OLFM3: variants seen among roughly 807,000 people sequenced by gnomAD.
The protein encoded by OLFM3 is noelin-3.
In OLFM3, 20 loss-of-function variants were observed where a neutral mutation model predicts 48.6. That is an observed-to-expected ratio of 0.41 (90% CI 0.29 to 0.60). The LOEUF (loss-of-function observed/expected upper bound fraction) is 0.60, where lower values mean the gene tolerates loss of function less well. Ranked by LOEUF, OLFM3 falls within the 20% of genes least tolerant of loss-of-function variation. The pLI is 0.28. For synonymous variants in OLFM3, 222 were observed against 198.1 expected, an observed-to-expected ratio of 1.12 and a Z score of -1.01; for missense variants, 437 against 544.3, an observed-to-expected ratio of 0.80 and a Z score of 1.96.
intron 1 of OLFM3, among the ~76,000 whole-genome samples, chr1:101,941,676 A>G (rs1570650765): frequency 6.6e-6 from 1 of 152,204 alleles, no homozygotes; most frequent in Non-Finnish European, 1.5e-5. Context: ...ATGACATTTC[A>G]GAAATTATAA....
At chr1:101,920,663 A>G (rs1043092375) in intron 1 of OLFM3, among the ~76,000 whole-genome samples, 3 of 152,180 alleles carry the variant, frequency 2.0e-5, no homozygotes, top group Admixed American at 6.5e-5. Flanking sequence ...GTATTTTTCA[A>G]ATTAAGGATT....
In OLFM3 at chr1:101,920,838, TC is replaced by T. The variant is rs544142687; in HGVS notation, c.69+75909del. ...CTGCTGCTAACAGCAACCAGGCAGGTCCTGCTTTTCGTTTGTTTGTTTTATA... is the reference window on the plus strand; with the variant it reads ...CTGCTGCTAACAGCAACCAGGCAGGTCTGCTTTTCGTTTGTTTGTTTTATA... On this transcript the variant is annotated intron_variant, in intron 1 of 5. Coordinates refer to ENST00000370103, the MANE Select transcript of OLFM3 (RefSeq NM_058170.4). Among the ~76,000 whole-genome samples, 51 of 152,344 alleles carry T rather than the reference TC, an allele frequency of 3.3e-4. 1 individual carries two copies. In the South Asian group the frequency reaches 0.011, roughly 32 times the overall value.
At chr1:101,953,920 G>C (rs1467808011) in intron 1 of OLFM3, among the ~76,000 whole-genome samples, 1 of 152,086 alleles carries the variant, frequency 6.6e-6, no homozygotes, top group Non-Finnish European at 1.5e-5. Flanking sequence ...GGTTATGAGG[G>C]AGAGTCTTTA....
At chr1:101,923,072 T>C (rs1273643489) in intron 1 of OLFM3, among the ~76,000 whole-genome samples, 2 of 152,202 alleles carry the variant, frequency 1.3e-5, no homozygotes, top group Non-Finnish European at 2.9e-5. Flanking sequence ...CAGGGCCCTA[T>C]GGCTTAACCA....
chr1:101,969,093 G>A (rs1660703477), intron 1 of OLFM3, among the ~76,000 whole-genome samples: 1 of 152,114 alleles, frequency 6.6e-6, no homozygotes, highest in Non-Finnish European at 1.5e-5. Flanking sequence ...AGGGCTATTT[G>A]TCTTATTATT....
intron 1 of OLFM3, among the ~76,000 whole-genome samples, chr1:101,888,334 G>A (rs1332524052): frequency 6.6e-6 from 1 of 152,092 alleles, no homozygotes; most frequent in East Asian, 1.9e-4. Context: ...AGAGCCCTCA[G>A]AAATAACATC....
intron 1 of OLFM3, among the ~76,000 whole-genome samples, chr1:101,917,032 A>C (rs1275444841): frequency 6.6e-6 from 1 of 152,330 alleles, no homozygotes; most frequent in African/African-American, 2.4e-5. Flanking sequence ...GCAGTACAAC[A>C]GATTTACATT....
intron 4 of OLFM3, 110 bp from the exon 5 acceptor site, chr1:101,806,292 A>G (rs368618644): frequency 2.7e-6 from 2 of 743,562 alleles, no homozygotes; most frequent in African/African-American, 1.8e-5. Flanking sequence ...CAATCCATGG[A>G]ATTAATATCA....
At chr1:101,820,149 A>T (rs1654539539) in intron 4 of OLFM3, among the ~76,000 whole-genome samples, 1 of 152,104 alleles carries the variant, frequency 6.6e-6, no homozygotes, top group African/African-American at 2.4e-5. Context: ...CTTGTTTAAA[A>T]ACTAATTTGG....
Position 101,816,732 on chromosome 1 carries a change from T to C in OLFM3, c.592+8294A>G, listed in dbSNP as rs145222122. ...TTTAACTAAGGGAACATTGAATAGA[T>C]AGTGGATCAATAGCATGTATATGCT... On this transcript the variant is annotated intron_variant, in intron 4 of 5. Transcript: ENST00000370103. Among the ~76,000 whole-genome samples the C allele has an allele frequency of 3.3e-5, 5 of 152,272 alleles. 1 individual carries two copies. The highest frequency in any genetic ancestry group is 2.0e-4 in the Admixed American group (3 of 15,276).
chr1:101,831,505 A>G (rs929112104), intron 2 of OLFM3, among the ~76,000 whole-genome samples: 1 of 152,202 alleles, frequency 6.6e-6, no homozygotes, highest in Non-Finnish European at 1.5e-5. Flanking sequence ...AGTAAAAAAG[A>G]GGTAACCTAT....
rs1653646460 is a variant in OLFM3 at position 101,804,216 on chromosome 1, A to C, written c.*22T>G. On this transcript the variant is annotated 3_prime_UTR_variant, in exon 6 of 6. Transcript: ENST00000370103. The surrounding 1 kb of genome is among the most constrained non-coding windows in gnomAD (Gnocchi z 4.5). The stretch of plus-strand genomic sequence containing the variant: ...TATCACAAATCACACTGTTTAAATC[A>C]ATGAAAACATGTCACATTTGCCTAT... 1 of 1,533,240 alleles carries C rather than the reference A, an allele frequency of 6.5e-7. No individual in the cohort carries two copies. Among genetic ancestry groups the C allele is most frequent in the Non-Finnish European group, 8.8e-7 (1 of 1,137,660 alleles). 95.0% of individuals were successfully genotyped at this position (1,533,240 alleles called of 1,614,324 possible).
At chr1:101,951,823 A>G (rs2101072262) in intron 1 of OLFM3, among the ~76,000 whole-genome samples, 1 of 152,268 alleles carries the variant, frequency 6.6e-6, no homozygotes, top group African/African-American at 2.4e-5. Flanking sequence ...TTCAAACTCA[A>G]CTTTCTTTGT....
intron 1 of OLFM3, among the ~76,000 whole-genome samples, chr1:101,991,016 A>ATATAT (rs1314208685): frequency 5.0e-4 from 16 of 32,218 alleles, no homozygotes; most frequent in Non-Finnish European, 6.7e-4. Flanking sequence ...AAAAAAAAAA[A>ATATAT]ATATATATAT....
intron 1 of OLFM3, among the ~76,000 whole-genome samples, chr1:101,985,008 C>G (rs80009137): frequency 0.016 from 2,418 of 152,308 alleles, 57 homozygotes; most frequent in African/African-American, 0.054. Flanking sequence ...ATCAAACTGT[C>G]AGCAGGGCTG....
intron 1 of OLFM3, among the ~76,000 whole-genome samples, chr1:101,963,965 A>C (rs1389059582): frequency 6.6e-6 from 1 of 152,216 alleles, no homozygotes; most frequent in East Asian, 1.9e-4. Flanking sequence ...ATTCATGTTA[A>C]TATCACAGTA....
chr1:101,805,642 A>C (rs1429659841), intron 5 of OLFM3, among the ~76,000 whole-genome samples: 1 of 151,806 alleles, frequency 6.6e-6, no homozygotes, highest in Non-Finnish European at 1.5e-5. Flanking sequence ...ATTTAAGCTT[A>C]TTTAGTAAAT....
intron 1 of OLFM3, among the ~76,000 whole-genome samples, chr1:101,942,176 C>A (rs1056170245): frequency 6.6e-6 from 1 of 152,132 alleles, no homozygotes; most frequent in Non-Finnish European, 1.5e-5. Flanking sequence ...AAGTGGTAAA[C>A]CCTCGCCCCA....
chr1:101,985,889 T>C (rs1333576970), intron 1 of OLFM3, among the ~76,000 whole-genome samples: 2 of 152,060 alleles, frequency 1.3e-5, no homozygotes, highest in East Asian at 1.9e-4. Context: ...GAAAGCAATA[T>C]ACATTTTTAC....
Sources: allele counts gnomAD v4.1 joint callset (sites outside exome capture counted in the v4.1 genomes callset), GRCh38; gene constraint gnomAD v4.1.1; non-coding constraint Gnocchi (gnomAD v3.1); transcripts MANE v1.5; gene names NCBI Gene and HGNC (gene_info 2026-07-23, HGNC 2026-07-21).